Variants in SHANK2 observed in about 807,000 individuals in gnomAD.
SHANK2 encodes SH3 and multiple ankyrin repeat domains protein 2.
A neutral mutation model predicts 133.7 loss-of-function variants in SHANK2; 43 were observed. The ratio of observed to expected loss-of-function variants is 0.32; its 90% CI spans 0.25 to 0.41. SHANK2 has a LOEUF of 0.41. SHANK2 is among the 10% of genes least tolerant of loss of function. The pLI is 1.00. For missense variants in SHANK2, 1,994 were observed against 2,235.8 expected, an observed-to-expected ratio of 0.89 and a Z score of 2.18; for synonymous variants, 1,017 against 952.8, an observed-to-expected ratio of 1.07 and a Z score of -1.24.
chr11:70,843,218 T>C (rs1948937546), intron 11 of SHANK2, among the ~76,000 whole-genome samples: 1 of 64,790 alleles, frequency 1.5e-5, no homozygotes. Context: ...GCTATTAGGG[T>C]GGGCTGGGCT....
intron 17 of SHANK2, among the ~76,000 whole-genome samples, chr11:70,551,116 G>A (rs1554977898): frequency 2.0e-5 from 3 of 152,038 alleles, no homozygotes; most frequent in African/African-American, 7.2e-5. Context: ...GCTTCACCAG[G>A]GTCTGCATTT....
intron 17 of SHANK2, among the ~76,000 whole-genome samples, chr11:70,585,860 A>T (rs1318074123): frequency 9.7e-6 from 1 of 103,336 alleles, no homozygotes; most frequent in African/African-American, 3.9e-5. Context: ...GCATTTGTCC[A>T]TCCAATTAGC....
At chr11:70,908,902 T>C (rs1555078486) in intron 10 of SHANK2, among the ~76,000 whole-genome samples, 2 of 152,210 alleles carry the variant, frequency 1.3e-5, no homozygotes, top group East Asian at 1.9e-4. Context: ...GGGGAAAAAC[T>C]GGCCACCTCC....
chr11:70,545,447 G>A (rs950493466), intron 17 of SHANK2, among the ~76,000 whole-genome samples: 8 of 152,060 alleles, frequency 5.3e-5, no homozygotes, highest in Non-Finnish European at 7.4e-5. Context: ...GCCACCGCAC[G>A]CTCTCTCCTG....
chr11:70,931,881 T>C (rs896587613), intron 10 of SHANK2, among the ~76,000 whole-genome samples: 1 of 152,226 alleles, frequency 6.6e-6, no homozygotes, highest in Admixed American at 6.5e-5. Flanking sequence ...TAATGTTTTT[T>C]ATAAAGAAAG....
intron 17 of SHANK2, among the ~76,000 whole-genome samples, chr11:70,636,568 T>G (rs1269673296): frequency 1.6e-5 from 2 of 121,534 alleles, no homozygotes; most frequent in African/African-American, 5.6e-5. Context: ...CATGTGCATG[T>G]GTGTGTATGA....
Position 70,753,811 on chromosome 11 carries a change from A to ACTGTGTGTGTGTGT in SHANK2, c.1777+44631_1777+44632insACACACACACACAG, listed in dbSNP as rs71049937. On this transcript the variant is annotated intron_variant, in intron 14 of 25. Coordinates refer to ENST00000601538, the MANE Select transcript of SHANK2 (RefSeq NM_012309.5). ...TGTCTTACATCTATTAAAGATATTA[A>ACTGTGTGTGTGTGT]GTGTGTGTGTGTGTGTTTGAGACAG... Among the ~76,000 whole-genome samples the ACTGTGTGTGTGTGT allele has an allele frequency of 4.1e-4, 60 of 144,782 alleles. 1 individual carries two copies. The highest frequency in any genetic ancestry group is 8.1e-4 in the East Asian group (4 of 4,966). The allele number at this position is 144,782 out of a possible 152,430, so 95.0% of individuals were successfully genotyped here. A position where few individuals can be genotyped will look rare whatever the true frequency, so the allele number is the denominator to read the frequency against.
At chr11:70,519,754 G>C (rs2059307609) in intron 17 of SHANK2, among the ~76,000 whole-genome samples, 1 of 151,916 alleles carries the variant, frequency 6.6e-6, no homozygotes, top group Non-Finnish European at 1.5e-5. Context: ...TTATTTTATT[G>C]AAACGGGGTC....
At chr11:70,596,035 G>T (rs1364586313) in intron 17 of SHANK2, among the ~76,000 whole-genome samples, 1 of 152,192 alleles carries the variant, frequency 6.6e-6, no homozygotes, top group African/African-American at 2.4e-5. Context: ...ACCTCGCCAG[G>T]ATACGGGAAA....
At chr11:70,651,170 C>T (rs182992879) in intron 17 of SHANK2, among the ~76,000 whole-genome samples, 8 of 152,340 alleles carry the variant, frequency 5.3e-5, no homozygotes, top group Admixed American at 2.0e-4. Flanking sequence ...CTGTGTGCTG[C>T]CATCTGCCAG....
chr11:70,891,701 T>TCCTC (rs1181356601), intron 11 of SHANK2, among the ~76,000 whole-genome samples: 2 of 151,864 alleles, frequency 1.3e-5, no homozygotes, highest in Non-Finnish European at 2.9e-5. Flanking sequence ...AAGCGTGTCC[T>TCCTC]CCTCCCTCCC....
chr11:70,547,233 C>T (rs7940874), intron 17 of SHANK2, among the ~76,000 whole-genome samples: 118,999 of 152,170 alleles, frequency 0.78, 47,132 homozygotes, highest in Middle Eastern at 0.88. Flanking sequence ...ACTCCCCTAC[C>T]GCAATAGTCC....
rs566700367 is a variant in SHANK2, at chr11:71,137,535, C to T, written c.207+9585G>A. 7.2e-5 allele frequency among the ~76,000 whole-genome samples: 11 copies of T among 152,206 alleles called. No individual in the cohort carries two copies. The East Asian group carries it at 1.7e-3, about 24-fold the overall frequency. ...GATGCTGTGTGAATGGAAATTCTAT[C>T]GCCGCCAGGGTGCTGGGTGCAGGGA... On this transcript the variant is annotated intron_variant, in intron 3 of 25. Coordinates refer to ENST00000601538, the MANE Select transcript of SHANK2 (RefSeq NM_012309.5).
chr11:71,204,629 G>C (rs1555117718), intron 2 of SHANK2, among the ~76,000 whole-genome samples: 1 of 152,198 alleles, frequency 6.6e-6, no homozygotes, highest in East Asian at 1.9e-4. Flanking sequence ...GGGGAAGATA[G>C]GGTTTCTGAG....
intron 17 of SHANK2, among the ~76,000 whole-genome samples, chr11:70,516,488 G>A (rs1421843769): frequency 2.0e-5 from 3 of 152,210 alleles, no homozygotes; most frequent in Admixed American, 6.5e-5. Context: ...GGACTTAAAT[G>A]TAAAAAGCAA....
chr11:70,487,312 T>C lies in SHANK2; in HGVS notation c.2981A>G (p.Lys994Arg). The change falls in exon 25 of 26, where the codon AAG (lysine) becomes AGG (arginine). Residue 994 changes from lysine to arginine, a missense_variant. Physicochemically the swap from Lys to Arg is conservative, Grantham distance 26. Transcript: ENST00000601538. This position sits in a 1 kb window ranked among gnomAD's most constrained non-coding sequence, Gnocchi z 5.8. ...GACGTAGACGGCTTTGCTGGCGATC[T>C]TCCCCACCTCTGAGTATGGGTTTTC... ...MPENPYSEVGKIASKAVYVPA... is the reference protein window; with the variant it reads ...MPENPYSEVGRIASKAVYVPA... The C allele has an allele frequency of 6.2e-7, 1 of 1,614,226 alleles. No individual in the cohort carries two copies. Among genetic ancestry groups the C allele is most frequent in the Non-Finnish European group, 8.5e-7 (1 of 1,180,036 alleles).
intron 14 of SHANK2, among the ~76,000 whole-genome samples, chr11:70,746,329 C>T (rs1467879817): frequency 3.3e-5 from 5 of 150,804 alleles, no homozygotes; most frequent in Non-Finnish European, 5.9e-5. Flanking sequence ...TCACAGCCCC[C>T]ATCTCCTCTC....
In SHANK2 at chr11:71,152,023, G is replaced by A. The variant is rs565604299; in HGVS notation, c.-12-4685C>T. 1.4e-4 allele frequency among the ~76,000 whole-genome samples: 21 copies of A among 152,310 alleles called. No individual in the cohort carries two copies. The East Asian group carries it at 3.5e-3, about 25-fold the overall frequency. On this transcript the variant is annotated intron_variant, in intron 2 of 25. Coordinates refer to ENST00000601538, the MANE Select transcript of SHANK2 (RefSeq NM_012309.5). ...CTGGCCACAGCTGGTAGGTAGGAAC[G>A]CAGGTCTGGTGTTGCCAGGCCTGCA...
intron 17 of SHANK2, among the ~76,000 whole-genome samples, chr11:70,617,179 T>C (rs573625414): frequency 3.6e-4 from 54 of 151,890 alleles, no homozygotes; most frequent in African/African-American, 1.2e-3. Flanking sequence ...TGTGTGTGTG[T>C]GTCAGTGTCT....
Sources: gnomAD v4.1 joint callset for allele counts (sites outside exome capture counted in the v4.1 genomes callset) on GRCh38, gnomAD v4.1.1 for gene constraint, Gnocchi (gnomAD v3.1) non-coding constraint, MANE v1.5 for transcripts, NCBI Gene and HGNC (gene_info 2026-07-23, HGNC 2026-07-21) for gene names.